MLLT3: variants seen among roughly 807,000 people sequenced by gnomAD.
MLLT3 encodes protein AF-9.
Under a neutral mutation model 53.2 loss-of-function variants are expected in MLLT3, and 4 were observed. That is an observed-to-expected ratio of 0.08 (90% confidence interval 0.04 to 0.17). The LOEUF (loss-of-function observed/expected upper bound fraction) is 0.17. Among genes scored for constraint, MLLT3 ranks in the 10% least tolerant of loss-of-function variants. The probability of loss-of-function intolerance (pLI) is 1.00; values close to 1 mark genes in which losing one functional copy is unlikely to be tolerated. For missense variants in MLLT3, 569 were observed against 684.0 expected, an observed-to-expected ratio of 0.83 and a Z score of 1.87; for synonymous variants, 283 against 230.6, an observed-to-expected ratio of 1.23 and a Z score of -2.06.
intron 2 of MLLT3, among the ~76,000 whole-genome samples, chr9:20,554,911 C>A (rs953438074): frequency 4.6e-5 from 7 of 152,104 alleles, no homozygotes; most frequent in Non-Finnish European, 8.8e-5. Context: ...GATACTCAAA[C>A]GGAAGTGGCT....
intron 2 of MLLT3, among the ~76,000 whole-genome samples, chr9:20,585,191 G>C (rs1563830505): frequency 6.6e-6 from 1 of 152,152 alleles, no homozygotes; most frequent in African/African-American, 2.4e-5. Flanking sequence ...CTCTCTTTCT[G>C]ACTTGTAGAT....
At chr9:20,610,778 C>A (rs1279392797) in intron 2 of MLLT3, among the ~76,000 whole-genome samples, 1 of 152,110 alleles carries the variant, frequency 6.6e-6, no homozygotes, top group Non-Finnish European at 1.5e-5. Context: ...ACACGTGCTG[C>A]TTTGGTGCTC....
In MLLT3 at chr9:20,350,813, G is replaced by A. The variant is rs965683768; in HGVS notation, c.1575+2712C>T. Among the ~76,000 whole-genome samples, 29 of 152,216 alleles carry A rather than the reference G, an allele frequency of 1.9e-4. No homozygotes were observed. The East Asian group carries it at 4.8e-3, about 25-fold the overall frequency. ...GTAAGATCCACTTGTCAGATCTGTG[G>A]CTCCCTTCCCCAATTTTTAATTATA... On this transcript the variant is annotated intron_variant, in intron 10 of 10. Coordinates refer to ENST00000380338, the MANE Select transcript of MLLT3 (RefSeq NM_004529.4).
At chr9:20,534,704 G>C (rs1349640165) in intron 2 of MLLT3, among the ~76,000 whole-genome samples, 1 of 152,094 alleles carries the variant, frequency 6.6e-6, no homozygotes, top group African/African-American at 2.4e-5. Flanking sequence ...GGATAACACA[G>C]TGAAACCCTG....
chr9:20,430,570 TTTAAA>T (rs1257423864), intron 4 of MLLT3, among the ~76,000 whole-genome samples: 14 of 152,092 alleles, frequency 9.2e-5, no homozygotes, highest in African/African-American at 3.1e-4. Context: ...TAGGAAAACA[TTTAAA>T]TTAGACTCTT....
intron 4 of MLLT3, among the ~76,000 whole-genome samples, chr9:20,431,381 GT>G (rs1180556782): frequency 6.6e-6 from 1 of 152,116 alleles, no homozygotes; most frequent in East Asian, 1.9e-4. Context: ...GTACCCTAGA[GT>G]TTGGGAACCA....
At chr9:20,557,726 G>C (rs1192964530) in intron 2 of MLLT3, among the ~76,000 whole-genome samples, 1 of 152,156 alleles carries the variant, frequency 6.6e-6, no homozygotes, top group Non-Finnish European at 1.5e-5. Flanking sequence ...ATCAACTGGG[G>C]TTAAGGAAGA....
At chr9:20,575,200 C>T (rs1452457606) in intron 2 of MLLT3, among the ~76,000 whole-genome samples, 1 of 152,144 alleles carries the variant, frequency 6.6e-6, no homozygotes. Context: ...AACTCCTATT[C>T]GTGTTAATGT....
At chr9:20,490,075 G>T (rs1824910583) in intron 2 of MLLT3, among the ~76,000 whole-genome samples, 1 of 152,150 alleles carries the variant, frequency 6.6e-6, no homozygotes, top group Non-Finnish European at 1.5e-5. Context: ...ATAAAGATGT[G>T]ATTTCTTTCA....
intron 2 of MLLT3, among the ~76,000 whole-genome samples, chr9:20,494,814 T>C (rs1825041148): frequency 6.6e-6 from 1 of 152,196 alleles, no homozygotes; most frequent in Non-Finnish European, 1.5e-5. Context: ...GCAATTCATT[T>C]AATTTCATAT....
intron 2 of MLLT3, among the ~76,000 whole-genome samples, chr9:20,531,943 T>A (rs186602035): frequency 2.9e-4 from 44 of 152,066 alleles, no homozygotes; most frequent in African/African-American, 9.4e-4. Flanking sequence ...AAAATTTTCA[T>A]TTTAGTTTAG....
intron 5 of MLLT3, among the ~76,000 whole-genome samples, chr9:20,368,235 T>G (rs1821506458): frequency 6.6e-6 from 1 of 152,198 alleles, no homozygotes; most frequent in African/African-American, 2.4e-5. Flanking sequence ...GTTACACAAC[T>G]GAAAGAGCAT....
At chr9:20,511,690 A>AT (rs1001859874) in intron 2 of MLLT3, among the ~76,000 whole-genome samples, 4 of 151,890 alleles carry the variant, frequency 2.6e-5, no homozygotes, top group East Asian at 1.9e-4. Flanking sequence ...AATATGTAAG[A>AT]TTTTTTTTTA....
chr9:20,407,592 A>G (rs1822617637), intron 5 of MLLT3, among the ~76,000 whole-genome samples: 1 of 152,198 alleles, frequency 6.6e-6, no homozygotes, highest in Non-Finnish European at 1.5e-5. Flanking sequence ...CACCTCTACA[A>G]TTTTAGTATG....
At chr9:20,430,866 G>A (rs1261048308) in intron 4 of MLLT3, among the ~76,000 whole-genome samples, 1 of 152,094 alleles carries the variant, frequency 6.6e-6, no homozygotes, top group East Asian at 1.9e-4. Context: ...CTATCTCCAG[G>A]ATATTAAAAG....
chr9:20,544,627 T>C (rs1168585517), intron 2 of MLLT3, among the ~76,000 whole-genome samples: 2 of 152,230 alleles, frequency 1.3e-5, no homozygotes, highest in Non-Finnish European at 2.9e-5. Flanking sequence ...CCTTGTGCAC[T>C]GTCATTGGGG....
In MLLT3 at chr9:20,343,367, TTA is replaced by T. The variant is rs1035780925; in HGVS notation, c.*3074_*3075del. The T allele has an allele frequency of 1.4e-5, 3 of 211,426 alleles. No homozygotes were observed. Among genetic ancestry groups the T allele is most frequent in the African/African-American group, 4.5e-5 (2 of 44,134 alleles). The allele number at this position is 211,426 out of a possible 1,614,324, so 13.1% of individuals were successfully genotyped here. A position where few individuals can be genotyped will look rare whatever the true frequency, so the allele number is the denominator to read the frequency against. Reference sequence around the variant, plus strand: ...ATATTTTTTTCCTGATCTGAAGTTTTTATAGTCTTCCCTACCTTGACACTATA... The same window carrying T: ...ATATTTTTTTCCTGATCTGAAGTTTTTAGTCTTCCCTACCTTGACACTATA... On this transcript the variant is annotated 3_prime_UTR_variant, in exon 11 of 11. Transcript: ENST00000380338.
chr9:20,355,361 C>T (rs1254989585), intron 8 of MLLT3, among the ~76,000 whole-genome samples: 1 of 152,188 alleles, frequency 6.6e-6, no homozygotes, highest in Non-Finnish European at 1.5e-5. Context: ...TAAAATTACT[C>T]ATATGCACAA....
intron 2 of MLLT3, among the ~76,000 whole-genome samples, chr9:20,512,202 A>G (rs1357477382): frequency 6.6e-6 from 1 of 152,222 alleles, no homozygotes; most frequent in Non-Finnish European, 1.5e-5. Context: ...CGGACTGTGG[A>G]ACAACAGATG....
Sources: gnomAD v4.1 joint callset for allele counts (sites outside exome capture counted in the v4.1 genomes callset) on GRCh38, gnomAD v4.1.1 for gene constraint, MANE v1.5 for transcripts, NCBI Gene and HGNC (gene_info 2026-07-23, HGNC 2026-07-21) for gene names.